VPS53: variants seen among roughly 807,000 people sequenced by gnomAD.
VPS53 encodes the protein VPS53 subunit of GARP complex, also known as vacuolar protein sorting-associated protein 53 homolog.
A neutral mutation model predicts 107.0 loss-of-function variants in VPS53; 70 were observed. That is an observed-to-expected ratio of 0.65 (90% CI 0.54 to 0.80). VPS53 has a LOEUF of 0.80. Ranked by LOEUF, VPS53 falls within the 30% of genes least tolerant of loss-of-function variation. VPS53 has a pLI of 0.00. For synonymous variants in VPS53, 409 were observed against 393.3 expected (o/e 1.04, Z -0.47); for missense variants, 917 against 1,049.4 (o/e 0.87, Z 1.74).
chr17:627,013 G>A (rs1280811941), intron 10 of VPS53, among the ~76,000 whole-genome samples, 161 bp downstream of exon 10: 1 of 152,140 alleles, frequency 6.6e-6, no homozygotes, highest in South Asian at 2.1e-4. Flanking sequence ...GGCAGAGGGA[G>A]CAGCTGGTGG....
chr17:546,295 T>C (rs1358732767), intron 17 of VPS53, among the ~76,000 whole-genome samples: 1 of 151,450 alleles, frequency 6.6e-6, no homozygotes, highest in African/African-American at 2.4e-5. Context: ...TAAATCTTTA[T>C]GATTCTGGAT....
At chr17:643,962 T>C (rs2143369681) in intron 7 of VPS53, among the ~76,000 whole-genome samples, 1 of 152,330 alleles carries the variant, frequency 6.6e-6, no homozygotes, top group East Asian at 1.9e-4. Context: ...TGCCAAGCCT[T>C]TCTCACATTT....
chr17:511,909 C>G lies in VPS53; in HGVS notation c.*7219G>C, dbSNP rs1020534374. 4 of 152,242 alleles carry G rather than the reference C, an allele frequency of 2.6e-5. No homozygotes were observed. Among genetic ancestry groups the G allele is most frequent in the Non-Finnish European group, 4.4e-5 (3 of 68,068 alleles). The allele number at this position is 152,242 out of a possible 1,614,324, so 9.4% of individuals were successfully genotyped here. ...GGAGGCTTTGGCAACCCTCGCAATT[C>G]GCATTCACAGGAGACATGCCCTATT... On this transcript the variant is annotated 3_prime_UTR_variant, in exon 22 of 22. Coordinates refer to ENST00000437048, the MANE Select transcript of VPS53 (RefSeq NM_001128159.3).
chr17:662,799 A>AAAAAGAAAG (rs1316458021), intron 4 of VPS53, among the ~76,000 whole-genome samples: 1 of 140,664 alleles, frequency 7.1e-6, no homozygotes, highest in African/African-American at 2.6e-5. Flanking sequence ...AAGAAAGAGA[A>AAAAAGAAAG]AGAAAGAAAA....
Position 517,123 on chromosome 17 carries a change from G to A in VPS53, c.*2005C>T. 1 of 246,328 alleles carries A rather than the reference G, an allele frequency of 4.1e-6. No individual in the cohort carries two copies. 15.3% of individuals were successfully genotyped at this position (246,328 alleles called of 1,614,324 possible). A position where few individuals can be genotyped will look rare whatever the true frequency, so the allele number is the denominator to read the frequency against. ...TTAACCATAGCAACTCCATGGGCTG[G>A]GGTGGGGGCATCTACAGGGCTTCCT... On this transcript the variant is annotated 3_prime_UTR_variant, in exon 22 of 22. Coordinates refer to ENST00000437048, the MANE Select transcript of VPS53 (RefSeq NM_001128159.3).
At chr17:677,981 C>A (rs1972233374) in intron 4 of VPS53, among the ~76,000 whole-genome samples, 1 of 151,848 alleles carries the variant, frequency 6.6e-6, no homozygotes, top group Admixed American at 6.6e-5. Context: ...ATTAGCCAGG[C>A]GTGGTGGCGA....
intron 17 of VPS53, among the ~76,000 whole-genome samples, chr17:549,659 G>A (rs183196116): frequency 3.5e-4 from 53 of 152,262 alleles, no homozygotes; most frequent in African/African-American, 9.4e-4. Context: ...TGAAGTGTGT[G>A]GCAGTTCAGG....
chr17:532,913 T>C lies in VPS53; in HGVS notation c.2016-2A>G, dbSNP rs1909713228. The C allele has an allele frequency of 1.9e-6, 3 of 1,613,334 alleles. No homozygotes were observed. The highest frequency in any genetic ancestry group is 1.1e-5 in the South Asian group (1 of 90,910). ...GTGATGAATTTGGGAATGAAGGAGC[T>C]GTGGATAAAAAAGAAGTGACAAATT... On this transcript the variant is annotated splice_acceptor_variant, in intron 18 of 21. Transcript: ENST00000437048. LOFTEE classifies it high-confidence loss of function.
chr17:592,536 TC>T (rs1286292913), intron 12 of VPS53, among the ~76,000 whole-genome samples: 1 of 152,218 alleles, frequency 6.6e-6, no homozygotes, highest in Non-Finnish European at 1.5e-5. Context: ...TACCGGTTGT[TC>T]CTTTCCATGT....
At chr17:568,494 G>A (rs967102250) in intron 13 of VPS53, among the ~76,000 whole-genome samples, 1 of 152,040 alleles carries the variant, frequency 6.6e-6, no homozygotes, top group Non-Finnish European at 1.5e-5. Flanking sequence ...CCATCCACCT[G>A]CCTCAGCCTC....
intron 9 of VPS53, 95 bp downstream of exon 9, chr17:627,992 GT>G: frequency 8.1e-7 from 1 of 1,232,656 alleles, no homozygotes; most frequent in Non-Finnish European, 1.1e-6. Flanking sequence ...CTGTCAGACA[GT>G]CATGTAATAC....
intron 17 of VPS53, among the ~76,000 whole-genome samples, chr17:540,891 G>C (rs982094881): frequency 6.6e-6 from 1 of 152,142 alleles, no homozygotes; most frequent in African/African-American, 2.4e-5. Context: ...GTGGGGCTGG[G>C]GGGTCAGCAC....
At chr17:528,985 T>C (rs967351865) in intron 19 of VPS53, among the ~76,000 whole-genome samples, 2 of 152,210 alleles carry the variant, frequency 1.3e-5, no homozygotes, top group African/African-American at 4.8e-5. Context: ...TTTTCCAAAA[T>C]GGCTGTACCG....
At chr17:597,624 C>T (rs969082294) in intron 12 of VPS53, among the ~76,000 whole-genome samples, 1 of 152,116 alleles carries the variant, frequency 6.6e-6, no homozygotes, top group Non-Finnish European at 1.5e-5. Flanking sequence ...CTCACTGTAA[C>T]CTCCGCCTCC....
intron 15 of VPS53, among the ~76,000 whole-genome samples, chr17:555,356 C>A (rs549893481): frequency 6.6e-6 from 1 of 152,224 alleles, no homozygotes; most frequent in Non-Finnish European, 1.5e-5. Context: ...CTTTGCCGCA[C>A]CCCCACTTTC....
At chr17:549,057 C>T (rs573469073) in intron 17 of VPS53, among the ~76,000 whole-genome samples, 24 of 152,284 alleles carry the variant, frequency 1.6e-4, no homozygotes, top group African/African-American at 5.5e-4. Flanking sequence ...ACATCTCTTG[C>T]CCTCAGCTAC....
chr17:577,560 G>A (rs1231455868), intron 13 of VPS53, among the ~76,000 whole-genome samples: 3 of 146,920 alleles, frequency 2.0e-5, no homozygotes, highest in Admixed American at 6.8e-5. Context: ...AATCTAATAC[G>A]TTCGCAGAGA....
chr17:560,279 A>G (rs1597300376), intron 15 of VPS53, 147 bp downstream of exon 15: 39 of 1,068,964 alleles, frequency 3.6e-5, no homozygotes. Flanking sequence ...TTATGGCTGG[A>G]CACTGAGCTT....
At chr17:603,847 G>A (rs1968435724) in intron 11 of VPS53, among the ~76,000 whole-genome samples, 1 of 152,142 alleles carries the variant, frequency 6.6e-6, no homozygotes, top group African/African-American at 2.4e-5. Context: ...TAGTAATAAA[G>A]GGAATCTACC....
Sources: allele counts gnomAD v4.1 joint callset (sites outside exome capture counted in the v4.1 genomes callset), GRCh38; gene constraint gnomAD v4.1.1; transcripts MANE v1.5; gene names NCBI Gene and HGNC (gene_info 2026-07-23, HGNC 2026-07-21).